Variants in LPA observed in about 807,000 individuals in gnomAD.
LPA encodes apolipoprotein(a).
A neutral mutation model predicts 197.9 loss-of-function variants in LPA; 199 were observed. That is an observed-to-expected ratio of 1.01 (90% CI 0.90 to 1.13). LPA has a LOEUF of 1.13. Among genes scored for constraint, LPA ranks in the 50% most tolerant of loss-of-function variants. The pLI, the probability that LPA is intolerant of heterozygous loss-of-function variation, is 0.00. For synonymous variants in LPA, 715 were observed against 639.5 expected, an observed-to-expected ratio of 1.12 and a Z score of -1.78; for missense variants, 1,853 against 1,785.8, an observed-to-expected ratio of 1.04 and a Z score of -0.68.
intron 7 of LPA, among the ~76,000 whole-genome samples, chr6:160,634,803 A>G (rs1188381156): frequency 6.6e-6 from 1 of 150,430 alleles, no homozygotes; most frequent in Non-Finnish European, 1.5e-5. Flanking sequence ...TGCGACAGAA[A>G]GAATCACACA....
rs532800913 is a variant in LPA at position 160,586,727 on chromosome 6, C to G, written c.3948-97G>C. 2,268 of 1,547,454 alleles carry G rather than the reference C, an allele frequency of 1.5e-3. 6 individuals are homozygous for G. Among genetic ancestry groups the G allele is most frequent in the Non-Finnish European group, 1.8e-3 (2,049 of 1,125,418 alleles). ...TTTCTTGTAACAAAGTGTAAACAAGCAAATTTGAAATATTCTCACTAAAGT... is the reference window on the plus strand; with the variant it reads ...TTTCTTGTAACAAAGTGTAAACAAGGAAATTTGAAATATTCTCACTAAAGT... On this transcript the variant is annotated intron_variant, in intron 24 of 38. Coordinates refer to ENST00000316300, the MANE Select transcript of LPA (RefSeq NM_005577.4).
At chr6:160,582,597 G>T (rs1364137301) in intron 26 of LPA, among the ~76,000 whole-genome samples, 1 of 151,880 alleles carries the variant, frequency 6.6e-6, no homozygotes, top group South Asian at 2.1e-4. Flanking sequence ...TTTCCCTTGG[G>T]CTTCAAATAA....
intron 36 of LPA, among the ~76,000 whole-genome samples, chr6:160,538,165 T>C (rs1165909563): frequency 6.6e-6 from 1 of 152,220 alleles, no homozygotes; most frequent in Admixed American, 6.5e-5. Flanking sequence ...AAGGTTTCAT[T>C]TGAAAGGCAT....
At chr6:160,594,312 A>G (rs1168149177) in intron 21 of LPA, among the ~76,000 whole-genome samples, 195 bp from the exon 22 acceptor site, 1 of 152,244 alleles carries the variant, frequency 6.6e-6, no homozygotes, top group Non-Finnish European at 1.5e-5. Flanking sequence ...GAGTTCTTAG[A>G]AAGATTTCCT....
intron 28 of LPA, among the ~76,000 whole-genome samples, chr6:160,569,571 G>A (rs1261187990): frequency 6.6e-6 from 1 of 152,028 alleles, no homozygotes; most frequent in African/African-American, 2.4e-5. Context: ...CATAGGCATG[G>A]GCAAGGACTT....
chr6:160,556,313 A>T, intron 29 of LPA, 129 bp from the exon 30 acceptor site: 1 of 807,212 alleles, frequency 1.2e-6, no homozygotes, highest in Non-Finnish European at 2.2e-6. Flanking sequence ...AAGCAGAAGG[A>T]CATGCTGAAG....
intron 30 of LPA, among the ~76,000 whole-genome samples, chr6:160,552,037 C>T (rs1012101742): frequency 5.9e-5 from 9 of 151,724 alleles, no homozygotes; most frequent in African/African-American, 9.7e-5. Flanking sequence ...CTCAGCATTC[C>T]GAGTAGCTGA....
chr6:160,654,869 C>A (rs1168003560), intron 1 of LPA, among the ~76,000 whole-genome samples: 1 of 152,166 alleles, frequency 6.6e-6, no homozygotes, highest in Admixed American at 6.5e-5. Flanking sequence ...GCCTGCATAT[C>A]GTGCAGAACC....
At chr6:160,609,170 C>T (rs9456554) in intron 16 of LPA, among the ~76,000 whole-genome samples, 2,539 of 152,096 alleles carry the variant, frequency 0.017, 73 homozygotes, top group African/African-American at 0.056. Flanking sequence ...CTAATTCTTT[C>T]GGGTCACCTC....
chr6:160,601,439 C>T (rs572740973), intron 18 of LPA, among the ~76,000 whole-genome samples: 7 of 152,270 alleles, frequency 4.6e-5, no homozygotes, highest in Non-Finnish European at 7.4e-5. Flanking sequence ...TGGATTTTGA[C>T]GTGTGTATTG....
intron 37 of LPA, among the ~76,000 whole-genome samples, chr6:160,535,506 AT>A: frequency 6.6e-6 from 1 of 152,214 alleles, no homozygotes; most frequent in South Asian, 2.1e-4. Flanking sequence ...GAGTGATGAT[AT>A]TGGTGATGGT....
At chr6:160,553,935 C>CTGTG (rs1294838247) in intron 30 of LPA, among the ~76,000 whole-genome samples, 9 of 70,866 alleles carry the variant, frequency 1.3e-4, no homozygotes, top group African/African-American at 3.5e-4. Flanking sequence ...CTCTCTCTCT[C>CTGTG]TCTGTGTGTG....
chr6:160,553,457 T>C (rs1778197921), intron 30 of LPA, among the ~76,000 whole-genome samples: 1 of 152,202 alleles, frequency 6.6e-6, no homozygotes, highest in African/African-American at 2.4e-5. Context: ...AAAGGGTTTT[T>C]TTGTTTATTT....
At chr6:160,601,170 A>G in intron 18 of LPA, 72 bp from the exon 19 acceptor site, 1 of 1,380,584 alleles carries the variant, frequency 7.2e-7, no homozygotes, top group Non-Finnish European at 1.0e-6. Flanking sequence ...TTTTGCTACA[A>G]CAAGGTCATT....
intron 16 of LPA, 112 bp from the exon 17 acceptor site, chr6:160,606,770 C>T: frequency 1.3e-6 from 2 of 1,488,440 alleles, no homozygotes; most frequent in Non-Finnish European, 1.9e-6. Flanking sequence ...TTCTAATATT[C>T]CCATAAAAGT....
At position 160,594,038 on chromosome 6, in the gene LPA, A is replaced by G; in HGVS notation, c.3549T>C (p.Thr1183=). Residue 1183 remains threonine (T), a synonymous_variant, in exon 22 of 39, where the codon ACT becomes ACC. Transcript: ENST00000316300. ...GQSYRGSFST[T]VTGRTCQSWS... ...AAGACTGACATGTCCTTCCTGTGAC[A>G]GTGGTAGAGAATGAGCCTCGATAAC... The G allele has an allele frequency of 6.2e-7, 1 of 1,614,030 alleles. No homozygotes were observed. The highest frequency in any genetic ancestry group is 8.5e-7 in the Non-Finnish European group (1 of 1,179,894).
chr6:160,609,339 A>G (rs1294599737), intron 16 of LPA, among the ~76,000 whole-genome samples: 4 of 152,152 alleles, frequency 2.6e-5, no homozygotes, highest in South Asian at 4.2e-4. Context: ...CCTCATTATC[A>G]TTTTAATAAT....
At chr6:160,656,656 T>A (rs1780138154) in intron 1 of LPA, among the ~76,000 whole-genome samples, 1 of 152,050 alleles carries the variant, frequency 6.6e-6, no homozygotes, top group African/African-American at 2.4e-5. Flanking sequence ...AGGCCAGAGG[T>A]CTCCTTAGGG....
At chr6:160,554,962 T>A (rs1181745232) in intron 30 of LPA, among the ~76,000 whole-genome samples, 1 of 152,096 alleles carries the variant, frequency 6.6e-6, no homozygotes, top group Non-Finnish European at 1.5e-5. Context: ...TTGCGCTCAT[T>A]CATTTCCTTT....
Sources: allele counts gnomAD v4.1 joint callset (sites outside exome capture counted in the v4.1 genomes callset), GRCh38; gene constraint gnomAD v4.1.1; transcripts MANE v1.5; gene names NCBI Gene and HGNC (gene_info 2026-07-23, HGNC 2026-07-21).